CASTOR2: variants seen among roughly 807,000 people sequenced by gnomAD.
CASTOR2 encodes the protein GATS protein like 2.
A neutral mutation model predicts 31.2 loss-of-function variants in CASTOR2; 8 were observed. The observed-to-expected ratio is 0.26, with a 90% CI of 0.15 to 0.46. The LOEUF is 0.46. Ranked by LOEUF, CASTOR2 falls within the 20% of genes least tolerant of loss-of-function variation. The probability of loss-of-function intolerance (pLI) is 0.99; values close to 1 mark genes in which losing one functional copy is unlikely to be tolerated. For synonymous variants in CASTOR2, 162 were observed against 158.7 expected (o/e 1.02, Z -0.16); for missense variants, 216 against 382.1 (o/e 0.57, Z 3.62).
chr7:75,014,576 A>T (rs2131951339), intron 2 of CASTOR2, among the ~76,000 whole-genome samples: 1 of 152,144 alleles, frequency 6.6e-6, no homozygotes, highest in East Asian at 1.9e-4. Flanking sequence ...TGGGCGACAG[A>T]GTAAGACACT....
At chr7:74,997,599 T>C in intron 1 of CASTOR2, among the ~76,000 whole-genome samples, 1 of 152,060 alleles carries the variant, frequency 6.6e-6, no homozygotes, top group East Asian at 1.9e-4. Context: ...CTAATTTTTG[T>C]ATTTTTAGTA....
At chr7:74,972,085 C>T (rs1189612814) in intron 1 of CASTOR2, among the ~76,000 whole-genome samples, 4 of 148,626 alleles carry the variant, frequency 2.7e-5, no homozygotes, top group Non-Finnish European at 4.5e-5. Context: ...CTCAAGGTAT[C>T]CTCCTGCCTC....
At chr7:74,988,176 C>G (rs1490187106) in intron 1 of CASTOR2, among the ~76,000 whole-genome samples, 1 of 150,886 alleles carries the variant, frequency 6.6e-6, no homozygotes, top group Non-Finnish European at 1.5e-5. Flanking sequence ...GTCACCCAGG[C>G]TGGAGTTCAG....
intron 1 of CASTOR2, among the ~76,000 whole-genome samples, chr7:75,006,809 T>A (rs1804615484): frequency 6.6e-6 from 1 of 152,032 alleles, no homozygotes; most frequent in African/African-American, 2.4e-5. Flanking sequence ...ATGCCTTAGC[T>A]CCTTCTTTGC....
chr7:74,980,572 A>G (rs1803924289), intron 1 of CASTOR2, among the ~76,000 whole-genome samples: 1 of 129,128 alleles, frequency 7.7e-6, no homozygotes, highest in Non-Finnish European at 1.5e-5. Flanking sequence ...CAGAAATTCA[A>G]TGGATGTTTT....
chr7:75,018,848 C>T (rs1470202424), intron 4 of CASTOR2, 124 bp from the exon 5 acceptor site: 97 of 1,453,238 alleles, frequency 6.7e-5, no homozygotes, highest in African/African-American at 6.6e-4. Context: ...GGAGAAGCAG[C>T]GGTGAATGAG....
chr7:75,016,239 A>G (rs1216353514), intron 2 of CASTOR2, among the ~76,000 whole-genome samples: 14 of 152,326 alleles, frequency 9.2e-5, no homozygotes, highest in African/African-American at 2.9e-4. Context: ...GTGGTCACAC[A>G]TAGTGTGTGC....
intron 1 of CASTOR2, among the ~76,000 whole-genome samples, chr7:74,999,990 C>T (rs1274338978): frequency 2.7e-4 from 41 of 152,110 alleles, no homozygotes; most frequent in African/African-American, 4.1e-4. Flanking sequence ...TTTGGGAGGC[C>T]GAGGCTTGGG....
At position 75,017,777 on chromosome 7, in the gene CASTOR2, A is replaced by C; in HGVS notation, c.364A>C (p.Thr122Pro). The C allele has an allele frequency of 6.2e-7, 1 of 1,614,036 alleles. No individual in the cohort carries two copies. The highest frequency in any genetic ancestry group is 8.5e-7 in the Non-Finnish European group (1 of 1,179,884). ...ISVFMLSTYQ[T>P]DFILVRERDL... ...CGTGTTCATGCTGTCCACGTATCAGACAGACTTCATCCTGGTGAGCTGACC... is the reference window on the plus strand; with the variant it reads ...CGTGTTCATGCTGTCCACGTATCAGCCAGACTTCATCCTGGTGAGCTGACC... Residue 122 changes from threonine to proline, a missense_variant, in exon 3 of 9, where the codon ACA becomes CCA. Transcript: ENST00000616305.
At chr7:75,020,289 C>A in intron 6 of CASTOR2, 140 bp downstream of exon 6, 1 of 855,106 alleles carries the variant, frequency 1.2e-6, no homozygotes, top group Non-Finnish European at 1.9e-6. Context: ...GTCGCCCAGG[C>A]TGGGGTGCAG....
intron 1 of CASTOR2, among the ~76,000 whole-genome samples, chr7:74,999,552 A>G: frequency 6.9e-6 from 1 of 145,598 alleles, no homozygotes. Flanking sequence ...TTCCTCTGGG[A>G]AGAAAAGCCC....
At chr7:75,021,787 G>T (rs2131957293) in intron 6 of CASTOR2, 87 bp from the exon 7 acceptor site, 5 of 1,504,438 alleles carry the variant, frequency 3.3e-6, no homozygotes, top group Admixed American at 2.0e-5. Context: ...CCAGCCCCAT[G>T]CCTCGCTCTG....
intron 2 of CASTOR2, among the ~76,000 whole-genome samples, chr7:75,013,923 T>C (rs1214750582): frequency 6.6e-6 from 1 of 151,844 alleles, no homozygotes. Context: ...AGACAAGGTT[T>C]CCCCCATGTT....
At chr7:75,019,298 GGA>G (rs1804938517) in intron 5 of CASTOR2, among the ~76,000 whole-genome samples, 1 of 151,986 alleles carries the variant, frequency 6.6e-6, no homozygotes, top group Admixed American at 6.5e-5. Flanking sequence ...GACCTGCCCC[GGA>G]GCTAGTCTGA....
intron 2 of CASTOR2, among the ~76,000 whole-genome samples, chr7:75,013,546 G>C (rs1215481708): frequency 6.6e-6 from 1 of 152,080 alleles, no homozygotes; most frequent in Non-Finnish European, 1.5e-5. Flanking sequence ...GGTGGGCTGC[G>C]GTGGGAGGAT....
chr7:75,006,723 A>G (rs1804613765), intron 1 of CASTOR2, among the ~76,000 whole-genome samples: 1 of 152,008 alleles, frequency 6.6e-6, no homozygotes, highest in Non-Finnish European at 1.5e-5. Context: ...GGCAGTGAAT[A>G]AGTCTCACGA....
At chr7:75,023,659 C>T (rs895106657) in intron 7 of CASTOR2, among the ~76,000 whole-genome samples, 3 of 151,708 alleles carry the variant, frequency 2.0e-5, no homozygotes, top group Admixed American at 6.6e-5. Context: ...AGGCTGGTCT[C>T]GAACTCCTGA....
At chr7:75,017,920 G>T in intron 3 of CASTOR2, 70 bp from the exon 4 acceptor site, 1 of 1,613,808 alleles carries the variant, frequency 6.2e-7, no homozygotes, top group South Asian at 1.1e-5. Context: ...CTCAGGGTGA[G>T]AGGTCGGTGC....
At chr7:74,965,884 T>TCA (rs1563051674) in intron 1 of CASTOR2, among the ~76,000 whole-genome samples, 1 of 6,736 alleles carries the variant, frequency 1.5e-4, no homozygotes, top group South Asian at 4.2e-3. Context: ...ACACACACAC[T>TCA]CTCTCTCTCT....
Sources: gnomAD v4.1 joint callset for allele counts (sites outside exome capture counted in the v4.1 genomes callset) on GRCh38, gnomAD v4.1.1 for gene constraint, MANE v1.5 for transcripts, NCBI Gene and HGNC (gene_info 2026-07-23, HGNC 2026-07-21) for gene names.